Variants in ATP12A observed in about 807,000 individuals in gnomAD.
ATP12A encodes the protein potassium-transporting ATPase alpha chain 2.
ATP12A carries 81 observed loss-of-function variants against 111.2 expected under a neutral mutation model. The observed-to-expected ratio is 0.73, with a 90% CI of 0.61 to 0.88. The LOEUF is 0.88. Among genes scored for constraint, ATP12A ranks in the 40% least tolerant of loss-of-function variants. The probability of loss-of-function intolerance (pLI) is 0.00; values close to 1 mark genes in which losing one functional copy is unlikely to be tolerated. For missense variants in ATP12A, 1,196 were observed against 1,313.1 expected (o/e 0.91, Z 1.38); for synonymous variants, 498 against 499.8 (o/e 1.00, Z 0.05).
chr13:24,699,685 C>T (rs1875310531), intron 12 of ATP12A, among the ~76,000 whole-genome samples: 1 of 152,168 alleles, frequency 6.6e-6, no homozygotes, highest in Non-Finnish European at 1.5e-5. Context: ...CTTAGAAATG[C>T]AACAGGAGGA....
intron 2 of ATP12A, among the ~76,000 whole-genome samples, chr13:24,684,168 C>G (rs943098801): frequency 6.6e-6 from 1 of 151,982 alleles, no homozygotes; most frequent in Non-Finnish European, 1.5e-5. Context: ...CTGCCCAAAA[C>G]TTAGTGGGTT....
chr13:24,709,976 T>A, intron 19 of ATP12A, 148 bp downstream of exon 19: 1 of 1,230,212 alleles, frequency 8.1e-7, no homozygotes, highest in Non-Finnish European at 1.1e-6. Flanking sequence ...GACACGTGTT[T>A]GGCCTTTGCC....
chr13:24,684,580 C>T (rs538844775), intron 2 of ATP12A, among the ~76,000 whole-genome samples: 1 of 152,292 alleles, frequency 6.6e-6, no homozygotes, highest in African/African-American at 2.4e-5. Flanking sequence ...AGGATTCCCC[C>T]ACCCCTCTCC....
chr13:24,682,095 T>TGG (rs1874477273), intron 2 of ATP12A, among the ~76,000 whole-genome samples: 1 of 91,850 alleles, frequency 1.1e-5, no homozygotes, highest in Non-Finnish European at 2.2e-5. Context: ...GTGGTGTGTG[T>TGG]GATGTGTGTG....
chr13:24,700,696 T>A, intron 12 of ATP12A, 51 bp from the exon 13 acceptor site: 1 of 1,557,816 alleles, frequency 6.4e-7, no homozygotes. Context: ...TCTTATTTTT[T>A]TTCGTTTCCT....
At position 24,681,863 on chromosome 13, in the gene ATP12A, C is replaced by A. The variant is rs1464455855; in HGVS notation, c.168+143C>A. The A allele has an allele frequency of 2.7e-6, 3 of 1,101,114 alleles. No homozygotes were observed. The South Asian group carries it at 4.3e-5, about 16-fold the overall frequency. The allele number at this position is 1,101,114 out of a possible 1,614,324, so 68.2% of individuals were successfully genotyped here. The stretch of plus-strand genomic sequence containing the variant: ...GATTGTGTGTGGTGTGTGGTGTCTG[C>A]GTGGTGTGTCTGTGTGGTGTGTGTG... On this transcript the variant is annotated intron_variant, in intron 2 of 22. Transcript: ENST00000381946.
In ATP12A at chr13:24,709,751, C is replaced by G. The variant is rs376963957; in HGVS notation, c.2686C>G (p.Arg896Gly). Residue 896 changes from arginine to glycine, a missense_variant, in exon 19 of 23, where the codon CGC becomes GGC. Transcript: ENST00000381946. ...TVYAQEGFLP[R>G]TLINLRVEWE... ...CTATGCACAAGAGGGCTTTCTGCCCCGCACTCTCATTAACCTGCGGGTAGA... is the reference window on the plus strand; with the variant it reads ...CTATGCACAAGAGGGCTTTCTGCCCGGCACTCTCATTAACCTGCGGGTAGA... 1 of 1,614,096 alleles carries G rather than the reference C, an allele frequency of 6.2e-7. No individual in the cohort carries two copies. Among genetic ancestry groups the G allele is most frequent in the African/African-American group, 1.3e-5 (1 of 74,934 alleles).
chr13:24,701,961 C>T lies in ATP12A; in HGVS notation c.1908C>T (p.Pro636=). The change falls in exon 14 of 23, where the codon CCC becomes CCT. Residue 636 remains proline (P), a synonymous_variant. Transcript: ENST00000381946. ...TTATTATGGTTACTGGTGATCATCC[C>T]ATCACAGCCAAAGCTATTGCCAAGA... ...IKVIMVTGDH[P]ITAKAIAKSV... is the part of the protein sequence containing the mutation. The T allele has an allele frequency of 6.2e-7, 1 of 1,614,248 alleles. No individual in the cohort carries two copies. Among genetic ancestry groups the T allele is most frequent in the Non-Finnish European group, 8.5e-7 (1 of 1,180,052 alleles).
chr13:24,704,187 G>A (rs1030124507), intron 14 of ATP12A, among the ~76,000 whole-genome samples: 4 of 152,148 alleles, frequency 2.6e-5, no homozygotes, highest in Admixed American at 2.6e-4. Context: ...TAGTAGAGAC[G>A]GGGTTTCACG....
chr13:24,692,454 G>T lies in ATP12A; in HGVS notation c.1094G>T (p.Arg365Leu). ...VTVTLSLTAK[R>L]MAKKNCLVKN... ...GTGACCCTGTCGCTGACAGCAAAAC[G>T]GATGGCCAAGAAGAACTGCCTGGTG... Residue 365 changes from arginine (R) to leucine (L), a missense_variant, in exon 9 of 23, where the codon CGG becomes CTG. Arg to Leu is a moderately radical substitution (Grantham distance 102, BLOSUM62 -2). Around this residue, in one of 3 missense-constraint regions of ATP12A, gnomAD observed 1,126 missense variants for 1,228.5 expected, o/e 0.92. Transcript: ENST00000381946. The T allele has an allele frequency of 1.2e-6, 2 of 1,613,952 alleles. No homozygotes were observed. Among genetic ancestry groups the T allele is most frequent in the South Asian group, 2.2e-5 (2 of 91,058 alleles).
Position 24,701,917 on chromosome 13 carries a change from T to C in ATP12A, c.1882-18T>C. The C allele has an allele frequency of 6.2e-7, 1 of 1,614,182 alleles. No individual in the cohort carries two copies. The highest frequency in any genetic ancestry group is 8.5e-7 in the Non-Finnish European group (1 of 1,180,018). ...AGTTCTTCATTACCCGTGGGCCTTC[T>C]CGTTGTCTTTGCTCTAGGTTATTAT... On this transcript the variant is annotated intron_variant, in intron 13 of 22. Coordinates refer to ENST00000381946, the MANE Select transcript of ATP12A (RefSeq NM_001676.7).
chr13:24,682,514 CCT>C (rs1277215392), intron 2 of ATP12A, among the ~76,000 whole-genome samples: 2 of 152,018 alleles, frequency 1.3e-5, no homozygotes, highest in Non-Finnish European at 2.9e-5. Flanking sequence ...GAAGGAAGAG[CCT>C]CTGATTCCAG....
rs2137708924 is a variant in ATP12A at position 24,698,788 on chromosome 13, G to A, written c.1643G>A (p.Ser548Asn). The change falls in exon 12 of 23, where the codon AGC (serine) becomes AAC (asparagine). Residue 548 changes from serine (S) to asparagine (N), a missense_variant. Physicochemically the swap from Ser to Asn is conservative, Grantham distance 46. Around this residue, in one of 3 missense-constraint regions of ATP12A, gnomAD observed 1,126 missense variants for 1,228.5 expected, o/e 0.92. Transcript: ENST00000381946. Reference protein sequence around the residue: ...INGEEHPLDKSTAKTFHTAYM... With the variant: ...INGEEHPLDKNTAKTFHTAYM... The stretch of plus-strand genomic sequence containing the variant: ...GGCGAGGAGCACCCACTGGACAAGA[G>A]CACTGCCAAGACCTTCCACACAGCC... 6.2e-7 allele frequency: 1 copy of A among 1,614,102 alleles called. No individual in the cohort carries two copies. Among genetic ancestry groups the A allele is most frequent in the East Asian group, 2.2e-5 (1 of 44,850 alleles).
chr13:24,699,785 A>T (rs541537659), intron 12 of ATP12A, among the ~76,000 whole-genome samples: 1 of 152,276 alleles, frequency 6.6e-6, no homozygotes, highest in Admixed American at 6.5e-5. Context: ...CCCCATCAGG[A>T]CCACAGAATG....
intron 12 of ATP12A, among the ~76,000 whole-genome samples, chr13:24,699,947 A>T (rs2137710427): frequency 6.6e-6 from 1 of 152,230 alleles, no homozygotes; most frequent in East Asian, 1.9e-4. Flanking sequence ...TGAGATGGTG[A>T]TGCTTTAGGC....
rs1174544768 is a variant in ATP12A, at chr13:24,680,783, G to A, written c.9+31G>A. On this transcript the variant is annotated intron_variant, in intron 1 of 22. Transcript: ENST00000381946. ...TGCAGCCCCCGCGCCGGCCGAGGAT[G>A]CGAGACGCTGGGCCAAGGCCCCGGG... The A allele has an allele frequency of 4.1e-6, 6 of 1,480,964 alleles. No homozygotes were observed. In the East Asian group the frequency reaches 1.2e-4, roughly 28 times the overall value. The allele number at this position is 1,480,964 out of a possible 1,614,324, so 91.7% of individuals were successfully genotyped here.
chr13:24,688,164 G>A (rs1220071885), intron 3 of ATP12A, among the ~76,000 whole-genome samples, 155 bp from the exon 4 acceptor site: 1 of 152,236 alleles, frequency 6.6e-6, no homozygotes, highest in Non-Finnish European at 1.5e-5. Flanking sequence ...GGCAGCTGGA[G>A]AAGTGAGGCA....
rs1268668344 is a variant in ATP12A at position 24,691,150 on chromosome 13, T to A, written c.968T>A (p.Ile323Asn). 6.2e-7 allele frequency: 1 copy of A among 1,614,086 alleles called. No individual in the cohort carries two copies. Among genetic ancestry groups the A allele is most frequent in the East Asian group, 2.2e-5 (1 of 44,880 alleles). ...GTCTCCATCGGCATCCTTTTCTTCATCATCGCTGTGTCCCTGAAGTATCAA... is the reference window on the plus strand; with the variant it reads ...GTCTCCATCGGCATCCTTTTCTTCAACATCGCTGTGTCCCTGAAGTATCAA... ...VAVSIGILFF[I>N]IAVSLKYQVL... Residue 323 changes from isoleucine to asparagine, a missense_variant, in exon 8 of 23, where the codon ATC becomes AAC. Physicochemically the swap from Ile to Asn is moderately radical, Grantham distance 149. Transcript: ENST00000381946.
Position 24,700,754 on chromosome 13 carries a change from T to A in ATP12A, c.1713T>A (p.Cys571Ter). Residue 571 changes from cysteine (C) to a stop codon, truncating the protein, a stop_gained, in exon 13 of 23, where the codon TGT (cysteine) becomes TGA (stop). Transcript: ENST00000381946. LOFTEE classifies it high-confidence loss of function. ...GGLGERVLGF[C>*]HLYLPADEFP... ...AATTCATCTGTATTACAGGTTTCTG[T>A]CATCTCTACCTGCCAGCAGACGAGT... 1 of 1,613,608 alleles carries A rather than the reference T, an allele frequency of 6.2e-7. No homozygotes were observed. Among genetic ancestry groups the A allele is most frequent in the Admixed American group, 1.7e-5 (1 of 59,974 alleles).
Sources: gnomAD v4.1 joint callset for allele counts (sites outside exome capture counted in the v4.1 genomes callset) on GRCh38, gnomAD v4.1.1 for gene constraint, gnomAD v4.1.1 regional missense constraint, MANE v1.5 for transcripts, NCBI Gene and HGNC (gene_info 2026-07-23, HGNC 2026-07-21) for gene names.